TBCK: variants seen among roughly 807,000 people sequenced by gnomAD.
TBCK encodes the protein TBC domain-containing protein kinase-like protein.
TBCK carries 99 observed loss-of-function variants against 113.4 expected under a neutral mutation model. That is an observed-to-expected ratio of 0.87 (90% CI 0.74 to 1.03). TBCK has a LOEUF of 1.03. Ranked by LOEUF, TBCK falls within the 50% of genes least tolerant of loss-of-function variation. The pLI, the probability that TBCK is intolerant of heterozygous loss-of-function variation, is 0.00. For synonymous variants in TBCK, 369 were observed against 370.8 expected, an observed-to-expected ratio of 1.00 and a Z score of 0.05; for missense variants, 1,045 against 1,061.3, an observed-to-expected ratio of 0.98 and a Z score of 0.21.
chr4:106,056,265 T>C (rs1296505755), intron 25 of TBCK, among the ~76,000 whole-genome samples: 2 of 147,694 alleles, frequency 1.4e-5, no homozygotes, highest in African/African-American at 2.6e-5. Flanking sequence ...CTTTTTTTAA[T>C]TAATTTTTTT....
At chr4:106,072,580 T>C (rs566631565) in intron 25 of TBCK, among the ~76,000 whole-genome samples, 2 of 152,266 alleles carry the variant, frequency 1.3e-5, no homozygotes, top group Admixed American at 1.3e-4. Flanking sequence ...TGTGTTGGGG[T>C]TGCTCTTCTC....
At chr4:106,053,984 ATTG>A (rs1226194682) in intron 25 of TBCK, among the ~76,000 whole-genome samples, 1 of 151,652 alleles carries the variant, frequency 6.6e-6, no homozygotes, top group Non-Finnish European at 1.5e-5. Flanking sequence ...TACCTAGATT[ATTG>A]TTAACAACCT....
At chr4:106,064,151 A>C (rs934211820) in intron 25 of TBCK, among the ~76,000 whole-genome samples, 1 of 152,002 alleles carries the variant, frequency 6.6e-6, no homozygotes, top group Non-Finnish European at 1.5e-5. Flanking sequence ...AGGGGAGTGT[A>C]AATTAACACA....
At chr4:106,281,059 T>A (rs1764539716) in intron 3 of TBCK, among the ~76,000 whole-genome samples, 2 of 152,192 alleles carry the variant, frequency 1.3e-5, no homozygotes, top group Admixed American at 1.3e-4. Flanking sequence ...TCCATAAACA[T>A]GAAATATATT....
At chr4:106,074,352 T>C (rs1197851993) in intron 25 of TBCK, among the ~76,000 whole-genome samples, 2 of 152,224 alleles carry the variant, frequency 1.3e-5, no homozygotes, top group Admixed American at 1.3e-4. Flanking sequence ...ATACATAAGA[T>C]AAAATAGTAT....
chr4:106,175,894 T>A (rs1021925607), intron 22 of TBCK, among the ~76,000 whole-genome samples: 1 of 152,148 alleles, frequency 6.6e-6, no homozygotes, highest in African/African-American at 2.4e-5. Flanking sequence ...CTTCTGGGTA[T>A]TGACAAAGAT....
At chr4:106,181,778 G>C (rs904050128) in intron 22 of TBCK, among the ~76,000 whole-genome samples, 1 of 152,126 alleles carries the variant, frequency 6.6e-6, no homozygotes, top group Non-Finnish European at 1.5e-5. Flanking sequence ...TAGCCTTGTA[G>C]CAGAGTTTGA....
intron 12 of TBCK, among the ~76,000 whole-genome samples, chr4:106,239,827 A>G (rs1229316086): frequency 6.8e-6 from 1 of 147,380 alleles, no homozygotes; most frequent in Non-Finnish European, 1.5e-5. Context: ...ATGTAATCAT[A>G]TAAAGTCTTT....
At chr4:106,297,826 G>T (rs929939477) in intron 2 of TBCK, 1 of 152,136 alleles carries the variant, frequency 6.6e-6, no homozygotes, top group African/African-American at 2.4e-5. Context: ...TGACCTCAGG[G>T]AAATTTTCTA....
At chr4:106,070,105 C>T (rs535290208) in intron 25 of TBCK, among the ~76,000 whole-genome samples, 45 of 152,148 alleles carry the variant, frequency 3.0e-4, no homozygotes, top group African/African-American at 1.0e-3. Context: ...ATTTGACTTC[C>T]TCTTTTCCTA....
intron 20 of TBCK, 145 bp from the exon 21 acceptor site, chr4:106,194,899 A>T: frequency 3.9e-6 from 3 of 778,944 alleles, no homozygotes; most frequent in Non-Finnish European, 4.0e-6. Context: ...ATGTAGTGTT[A>T]AGTTTAGCCT....
intron 22 of TBCK, among the ~76,000 whole-genome samples, chr4:106,176,381 CTTAT>C (rs1177501793): frequency 6.6e-5 from 10 of 152,018 alleles, no homozygotes; most frequent in African/African-American, 2.2e-4. Context: ...TCAACCTCAA[CTTAT>C]TTAGTTTCCC....
At chr4:106,314,884 C>G (rs1768610267) in intron 1 of TBCK, among the ~76,000 whole-genome samples, 1 of 152,024 alleles carries the variant, frequency 6.6e-6, no homozygotes, top group Admixed American at 6.5e-5. Flanking sequence ...CTCGACCTCC[C>G]AAAGTGCTAG....
At position 106,124,579 on chromosome 4, in the gene TBCK, T is replaced by C. The variant is rs375504280; in HGVS notation, c.2236-8201A>G. ...ATGTTTATTGCGGCATTATTCACAATAGCAAAGACTTGGAGCCAACCCAAA... is the reference window on the plus strand; with the variant it reads ...ATGTTTATTGCGGCATTATTCACAACAGCAAAGACTTGGAGCCAACCCAAA... On this transcript the variant is annotated intron_variant, in intron 23 of 25. Transcript: ENST00000394708. Among the ~76,000 whole-genome samples, 11 of 152,090 alleles carry C rather than the reference T, an allele frequency of 7.2e-5. 1 individual carries two copies. Among genetic ancestry groups the C allele is most frequent in the Non-Finnish European group, 1.3e-4 (9 of 68,018 alleles).
chr4:106,122,781 A>G (rs2149591315), intron 23 of TBCK, among the ~76,000 whole-genome samples: 1 of 152,260 alleles, frequency 6.6e-6, no homozygotes, highest in Admixed American at 6.5e-5. Context: ...AAACCACATG[A>G]TTATCTCAAT....
intron 24 of TBCK, among the ~76,000 whole-genome samples, chr4:106,098,321 A>C (rs1469904181): frequency 6.6e-6 from 1 of 152,076 alleles, no homozygotes; most frequent in Non-Finnish European, 1.5e-5. Context: ...ATAAACTAAG[A>C]GTTTAAAAAG....
chr4:106,046,599 G>A lies in TBCK; in HGVS notation c.2653C>T (p.Leu885Phe). The A allele has an allele frequency of 6.2e-7, 1 of 1,609,108 alleles. No individual in the cohort carries two copies. ...ATTTGAGGAGATGGGATGGTGAGGA[G>A]GCCTGTTGGCTTTATTTTATTAATG... ...GGINKIKPTG[L>F]LTIPSPQI The change falls in exon 26 of 26, where the codon CTC becomes TTC. Residue 885 changes from leucine (L) to phenylalanine (F), a missense_variant. Coordinates refer to ENST00000394708, the MANE Select transcript of TBCK (RefSeq NM_001163435.3).
Position 106,295,143 on chromosome 4 carries a change from G to A in TBCK, c.217C>T (p.His73Tyr), listed in dbSNP as rs778527597. The A allele has an allele frequency of 1.9e-5, 30 of 1,613,226 alleles. No homozygotes were observed. The Admixed American group carries it at 2.2e-4, about 12-fold the overall frequency. Residue 73 changes from histidine (H) to tyrosine (Y), a missense_variant, in exon 3 of 26, where the codon CAT (histidine) becomes TAT (tyrosine). By Grantham distance (83) the His-to-Tyr change is moderately conservative (BLOSUM62 2). Transcript: ENST00000394708. ...AAGTCTTCCAGACTACGTTCACAATGTTCAGCCACGACCACTAGTCGTTCT... is the reference window on the plus strand; with the variant it reads ...AAGTCTTCCAGACTACGTTCACAATATTCAGCCACGACCACTAGTCGTTCT... ...KHERLVVVAEHCERSLEDLLR... is the reference protein window; with the variant it reads ...KHERLVVVAEYCERSLEDLLR...
intron 7 of TBCK, among the ~76,000 whole-genome samples, chr4:106,249,580 A>G (rs1458511838): frequency 6.6e-6 from 1 of 152,110 alleles, no homozygotes; most frequent in Non-Finnish European, 1.5e-5. Flanking sequence ...TTGTTTTTTC[A>G]TGATTACAAG....
Sources: allele counts gnomAD v4.1 joint callset (sites outside exome capture counted in the v4.1 genomes callset), GRCh38; gene constraint gnomAD v4.1.1; transcripts MANE v1.5; gene names NCBI Gene and HGNC (gene_info 2026-07-23, HGNC 2026-07-21).